The following LRRIQ3 variants were observed in gnomAD, a reference collection of about 807,000 sequenced individuals.
LRRIQ3 encodes the protein leucine rich repeats and IQ motif containing 3.
A neutral mutation model predicts 59.3 loss-of-function variants in LRRIQ3; 75 were observed. That is an observed-to-expected ratio of 1.26 (90% CI 1.05 to 1.53). LRRIQ3 has a LOEUF of 1.53. LRRIQ3 is among the 40% of genes most tolerant of loss of function. The probability of loss-of-function intolerance (pLI) is 0.00; values close to 1 mark genes in which losing one functional copy is unlikely to be tolerated. For synonymous variants in LRRIQ3, 250 were observed against 231.3 expected (o/e 1.08, Z -0.73); for missense variants, 831 against 710.0 (o/e 1.17, Z -1.94).
At chr1:74,101,817 C>A (rs968009460) in intron 5 of LRRIQ3, among the ~76,000 whole-genome samples, 2 of 152,086 alleles carry the variant, frequency 1.3e-5, no homozygotes, top group South Asian at 2.1e-4. Flanking sequence ...GGACAAAAAA[C>A]CAAACACCGC....
chr1:74,159,479 C>A (rs1270631965), intron 3 of LRRIQ3, among the ~76,000 whole-genome samples: 1 of 152,100 alleles, frequency 6.6e-6, no homozygotes. Flanking sequence ...TCAATTTATT[C>A]TTGTAACTCA....
intron 3 of LRRIQ3, among the ~76,000 whole-genome samples, chr1:74,162,793 T>A (rs1309481224): frequency 6.6e-6 from 1 of 151,810 alleles, no homozygotes; most frequent in East Asian, 1.9e-4. Context: ...TAAGAATATT[T>A]GATCTCATAG....
intron 1 of LRRIQ3, among the ~76,000 whole-genome samples, chr1:74,195,795 A>C (rs1272484193): frequency 6.6e-6 from 1 of 152,200 alleles, no homozygotes; most frequent in Non-Finnish European, 1.5e-5. Flanking sequence ...TTACTCTGGT[A>C]AAATGACATT....
chr1:74,133,693 A>C (rs1368271342), intron 4 of LRRIQ3, among the ~76,000 whole-genome samples: 1 of 142,912 alleles, frequency 7.0e-6, no homozygotes, highest in Non-Finnish European at 1.5e-5. Flanking sequence ...AGGGAACATC[A>C]CGTACTGGGG....
intron 4 of LRRIQ3, among the ~76,000 whole-genome samples, chr1:74,138,101 A>C (rs1647157080): frequency 1.3e-5 from 2 of 151,920 alleles, no homozygotes; most frequent in South Asian, 4.2e-4. Flanking sequence ...TTTTAAAAAA[A>C]AAGGAAGAAG....
At chr1:74,132,643 G>C (rs1210690545) in intron 4 of LRRIQ3, among the ~76,000 whole-genome samples, 3 of 152,086 alleles carry the variant, frequency 2.0e-5, no homozygotes, top group African/African-American at 4.8e-5. Context: ...AATGGTGCTG[G>C]GGAAACTGGC....
At chr1:74,128,607 T>G (rs977806421) in intron 4 of LRRIQ3, among the ~76,000 whole-genome samples, 5 of 152,048 alleles carry the variant, frequency 3.3e-5, no homozygotes, top group African/African-American at 1.2e-4. Context: ...GGTTCATTAT[T>G]TAGGTTGTTT....
intron 4 of LRRIQ3, among the ~76,000 whole-genome samples, chr1:74,147,853 T>C (rs1321431451): frequency 6.6e-6 from 1 of 152,196 alleles, no homozygotes; most frequent in Non-Finnish European, 1.5e-5. Flanking sequence ...TGTTTTCAGC[T>C]ATTATTTCAT....
Position 74,181,001 on chromosome 1 carries a change from C to T in LRRIQ3, c.573+1537G>A, listed in dbSNP as rs139954614. 714 of 534,078 alleles carry T rather than the reference C, an allele frequency of 1.3e-3. 5 individuals carry two copies. The highest frequency in any genetic ancestry group is 0.012 in the African/African-American group (643 of 52,220). 33.1% of individuals were successfully genotyped at this position (534,078 alleles called of 1,614,324 possible). A position where few individuals can be genotyped will look rare whatever the true frequency, so the allele number is the denominator to read the frequency against. On this transcript the variant is annotated intron_variant, in intron 3 of 7. Transcript: ENST00000354431. Reference sequence around the variant, plus strand: ...ATTTGTCTATTCTCTGTGCCTTTCCCTTGGACTTAATGAGGACAAGAATTT... The same window carrying T: ...ATTTGTCTATTCTCTGTGCCTTTCCTTTGGACTTAATGAGGACAAGAATTT...
chr1:74,183,822 G>T (rs987603451), intron 1 of LRRIQ3, 138 bp from the exon 2 acceptor site: 1 of 643,532 alleles, frequency 1.6e-6, no homozygotes, highest in Non-Finnish European at 2.4e-6. Context: ...CATTCTTATA[G>T]AACTTTCTAT....
chr1:74,091,196 G>C (rs192725642), intron 5 of LRRIQ3, among the ~76,000 whole-genome samples: 2 of 152,082 alleles, frequency 1.3e-5, no homozygotes, highest in African/African-American at 4.8e-5. Context: ...AGTAAACATG[G>C]AATAAAACAG....
intron 4 of LRRIQ3, among the ~76,000 whole-genome samples, chr1:74,110,410 G>A (rs1054689201): frequency 4.0e-5 from 6 of 151,878 alleles, no homozygotes; most frequent in Admixed American, 6.6e-5. Context: ...AACTCACTAC[G>A]TCAACAAATT....
At chr1:74,055,231 G>A (rs1040020233) in intron 6 of LRRIQ3, among the ~76,000 whole-genome samples, 1 of 146,986 alleles carries the variant, frequency 6.8e-6, no homozygotes, top group Admixed American at 6.8e-5. Context: ...TACATATAAA[G>A]GGTATGATTC....
In LRRIQ3 at chr1:74,138,436, ATACT is replaced by A. The variant is rs1275245588; in HGVS notation, c.707+17293_707+17296del. The A allele has an allele frequency of 4.1e-6, 4 of 972,834 alleles. No homozygotes were observed. In the African/African-American group the frequency reaches 7.0e-5, roughly 17 times the overall value. The allele number at this position is 972,834 out of a possible 1,614,324, so 60.3% of individuals were successfully genotyped here. A position where few individuals can be genotyped will look rare whatever the true frequency, so the allele number is the denominator to read the frequency against. ...TCCTTCAATCCATTACCAGACTTAC[ATACT>A]TACTTTTTGGTGTCCCATGGGCAGG... On this transcript the variant is annotated intron_variant, in intron 4 of 7. Coordinates refer to ENST00000354431, the MANE Select transcript of LRRIQ3 (RefSeq NM_001105659.2).
At chr1:74,179,713 C>T (rs1182567131) in intron 3 of LRRIQ3, among the ~76,000 whole-genome samples, 2 of 151,836 alleles carry the variant, frequency 1.3e-5, no homozygotes, top group Non-Finnish European at 2.9e-5. Flanking sequence ...AAGTAATGAA[C>T]ACAAATTTAT....
At chr1:74,174,620 C>T (rs1006430630) in intron 3 of LRRIQ3, among the ~76,000 whole-genome samples, 2 of 149,166 alleles carry the variant, frequency 1.3e-5, no homozygotes, top group African/African-American at 5.0e-5. Context: ...CCTTGAACTT[C>T]TGACCTTGGG....
At chr1:74,188,378 C>G (rs1316546518) in intron 1 of LRRIQ3, among the ~76,000 whole-genome samples, 1 of 152,092 alleles carries the variant, frequency 6.6e-6, no homozygotes, top group Non-Finnish European at 1.5e-5. Flanking sequence ...AACAAGATTA[C>G]CTATGTATCA....
intron 3 of LRRIQ3, among the ~76,000 whole-genome samples, chr1:74,179,677 A>C (rs1265846812): frequency 6.6e-6 from 1 of 151,984 alleles, no homozygotes; most frequent in African/African-American, 2.4e-5. Context: ...TGATCAAAGA[A>C]TAATCAAAAG....
At chr1:74,130,378 A>G (rs1039286743) in intron 4 of LRRIQ3, among the ~76,000 whole-genome samples, 3 of 152,068 alleles carry the variant, frequency 2.0e-5, no homozygotes, top group African/African-American at 7.2e-5. Context: ...TTCCACTGTG[A>G]CAGGGCAGCA....
Sources: gnomAD v4.1 joint callset for allele counts (sites outside exome capture counted in the v4.1 genomes callset) on GRCh38, gnomAD v4.1.1 for gene constraint, MANE v1.5 for transcripts, NCBI Gene and HGNC (gene_info 2026-07-23, HGNC 2026-07-21) for gene names.